DACH1: variants seen among roughly 807,000 people sequenced by gnomAD.
DACH1 encodes the protein dachshund family transcription factor 1, also known as dachshund homolog 1.
A neutral mutation model predicts 54.2 loss-of-function variants in DACH1; 12 were observed. The observed-to-expected ratio is 0.22, with a 90% CI of 0.14 to 0.36. The LOEUF (loss-of-function observed/expected upper bound fraction) is 0.36. DACH1 is among the 10% of genes least tolerant of loss of function. The probability of loss-of-function intolerance (pLI) is 1.00; values close to 1 mark genes in which losing one functional copy is unlikely to be tolerated. For synonymous variants in DACH1, 386 were observed against 366.2 expected (o/e 1.05, Z -0.62); for missense variants, 805 against 929.8 (o/e 0.87, Z 1.75).
At chr13:71,595,515 G>A (rs1593955979) in intron 3 of DACH1, among the ~76,000 whole-genome samples, 2 of 152,068 alleles carry the variant, frequency 1.3e-5, no homozygotes, top group East Asian at 3.9e-4. Flanking sequence ...AGAAGTAGGT[G>A]GATCTGTGGA....
chr13:71,828,534 G>A (rs796695383), intron 1 of DACH1, among the ~76,000 whole-genome samples: 16 of 152,010 alleles, frequency 1.1e-4, no homozygotes, highest in African/African-American at 2.7e-4. Context: ...TATAAACCAC[G>A]GTTTGTAGCA....
intron 3 of DACH1, among the ~76,000 whole-genome samples, chr13:71,580,826 T>C (rs1017088006): frequency 1.3e-5 from 2 of 152,146 alleles, no homozygotes. Context: ...AACTCCTTTT[T>C]CATGTCCTAT....
chr13:71,657,235 A>G (rs1223285982), intron 2 of DACH1, among the ~76,000 whole-genome samples: 1 of 152,022 alleles, frequency 6.6e-6, no homozygotes, highest in Non-Finnish European at 1.5e-5. Flanking sequence ...GGTGCATTGT[A>G]CATGGTTGAC....
chr13:71,662,108 G>A (rs1027927966), intron 2 of DACH1, among the ~76,000 whole-genome samples: 30 of 151,984 alleles, frequency 2.0e-4, no homozygotes, highest in African/African-American at 7.2e-4. Flanking sequence ...TATCGTCTAA[G>A]CAAACAAGGC....
intron 1 of DACH1, among the ~76,000 whole-genome samples, chr13:71,766,213 A>T (rs1350510523): frequency 6.6e-6 from 1 of 151,970 alleles, no homozygotes; most frequent in Admixed American, 6.6e-5. Context: ...TATTTCCCCT[A>T]AATTTCCTAC....
chr13:71,592,494 C>CAAAAAAA (rs575364116), intron 3 of DACH1, among the ~76,000 whole-genome samples: 46 of 32,664 alleles, frequency 1.4e-3, no homozygotes, highest in African/African-American at 4.0e-3. Flanking sequence ...GACTCTATCT[C>CAAAAAAA]AAAAAAAAAA....
chr13:71,842,958 T>C (rs1223539014), intron 1 of DACH1, among the ~76,000 whole-genome samples: 1 of 152,212 alleles, frequency 6.6e-6, no homozygotes, highest in African/African-American at 2.4e-5. Context: ...TCATTTTCAA[T>C]AACATTTTAT....
intron 3 of DACH1, among the ~76,000 whole-genome samples, chr13:71,621,280 T>C (rs1876217374): frequency 2.0e-5 from 3 of 151,984 alleles, no homozygotes; most frequent in Non-Finnish European, 2.9e-5. Context: ...ACATATCAGA[T>C]ATAGGCCACA....
At chr13:71,571,648 C>T (rs1407389555) in intron 4 of DACH1, among the ~76,000 whole-genome samples, 1 of 150,428 alleles carries the variant, frequency 6.6e-6, no homozygotes, top group Non-Finnish European at 1.5e-5. Flanking sequence ...ATCTGGGATA[C>T]ATCTTTGTTT....
In DACH1 at chr13:71,470,197, G is replaced by A. The variant is rs17088294; in HGVS notation, c.2083+4944C>T. Among the ~76,000 whole-genome samples, 781 of 152,184 alleles carry A rather than the reference G, an allele frequency of 5.1e-3. 11 individuals are homozygous for A. The highest frequency in any genetic ancestry group is 0.017 in the African/African-American group (722 of 41,526). On this transcript the variant is annotated intron_variant, in intron 10 of 10. Transcript: ENST00000613252. ...AGTATTTATAGAATCCAAATCTTAC[G>A]TCAAATGTGAAAAGAAGAAAATAAA... is the stretch of plus-strand genomic sequence containing the variant.
At chr13:71,665,784 T>C (rs1031519274) in intron 2 of DACH1, among the ~76,000 whole-genome samples, 1 of 152,124 alleles carries the variant, frequency 6.6e-6, no homozygotes, top group Non-Finnish European at 1.5e-5. Flanking sequence ...GATTAATGGA[T>C]TCCTTGGAAA....
intron 3 of DACH1, among the ~76,000 whole-genome samples, chr13:71,626,799 T>G (rs990829051): frequency 6.6e-6 from 1 of 152,046 alleles, no homozygotes; most frequent in Non-Finnish European, 1.5e-5. Context: ...GATTTAAATC[T>G]GGGAATGAGC....
Position 71,556,388 on chromosome 13 carries a change from T to TC in DACH1, c.1570+635_1570+636insG, listed in dbSNP as rs1566338653. On this transcript the variant is annotated intron_variant, in intron 6 of 10. Coordinates refer to ENST00000613252, the MANE Select transcript of DACH1 (RefSeq NM_080759.6). ...AACACTTACAATTTGAAAATACGTA[T>TC]TTGCATCTCCAAGAATAAATTTCTA... is the stretch of plus-strand genomic sequence containing the variant. 5.9e-5 allele frequency among the ~76,000 whole-genome samples: 9 copies of TC among 152,258 alleles called. No individual in the cohort carries two copies. The South Asian group carries it at 1.2e-3, about 21-fold the overall frequency.
chr13:71,620,322 T>TAA (rs1011751900), intron 3 of DACH1, among the ~76,000 whole-genome samples: 1 of 151,888 alleles, frequency 6.6e-6, no homozygotes, highest in Non-Finnish European at 1.5e-5. Flanking sequence ...AAAAGCAGAC[T>TAA]AAAACACATA....
intron 6 of DACH1, among the ~76,000 whole-genome samples, chr13:71,511,250 T>C (rs1310338265): frequency 6.6e-6 from 1 of 151,962 alleles, no homozygotes; most frequent in Non-Finnish European, 1.5e-5. Flanking sequence ...TTTATAACCT[T>C]GTTATTGACT....
intron 1 of DACH1, among the ~76,000 whole-genome samples, chr13:71,755,348 T>C (rs1392284271): frequency 6.6e-6 from 1 of 152,178 alleles, no homozygotes; most frequent in Non-Finnish European, 1.5e-5. Context: ...AGAAAAACAA[T>C]GGTGATGAAA....
chr13:71,756,819 T>C (rs1272882905), intron 1 of DACH1, among the ~76,000 whole-genome samples: 3 of 152,152 alleles, frequency 2.0e-5, no homozygotes, highest in Non-Finnish European at 2.9e-5. Flanking sequence ...TCAGTATATA[T>C]AGAAAGTTTG....
chr13:71,582,651 G>T (rs1032518401), intron 3 of DACH1, among the ~76,000 whole-genome samples: 1 of 152,062 alleles, frequency 6.6e-6, no homozygotes, highest in South Asian at 2.1e-4. Context: ...AAGGACCATT[G>T]AAATAATATT....
chr13:71,579,581 A>C (rs1420118004), intron 3 of DACH1, among the ~76,000 whole-genome samples: 1 of 152,168 alleles, frequency 6.6e-6, no homozygotes, highest in Non-Finnish European at 1.5e-5. Flanking sequence ...AAATAGCATT[A>C]GGAAGCTGAA....
Sources: gnomAD v4.1 joint callset for allele counts (sites outside exome capture counted in the v4.1 genomes callset) on GRCh38, gnomAD v4.1.1 for gene constraint, MANE v1.5 for transcripts, NCBI Gene and HGNC (gene_info 2026-07-23, HGNC 2026-07-21) for gene names.